The following CLK3 variants were observed in gnomAD, a reference collection of about 807,000 sequenced individuals.
The protein encoded by CLK3 is CDC like kinase 3.
CLK3 carries 24 observed loss-of-function variants against 65.2 expected under a neutral mutation model. The observed-to-expected ratio is 0.37, with a 90% CI of 0.27 to 0.52. The LOEUF (loss-of-function observed/expected upper bound fraction) is 0.52. Among genes scored for constraint, CLK3 ranks in the 20% least tolerant of loss-of-function variants. The pLI is 0.92. For synonymous variants in CLK3, 252 were observed against 240.8 expected (o/e 1.05, Z -0.43); for missense variants, 506 against 660.0 (o/e 0.77, Z 2.56).
At chr15:74,625,120 C>T in intron 6 of CLK3, 102 bp downstream of exon 6, 3 of 822,628 alleles carry the variant, frequency 3.6e-6, no homozygotes, top group Non-Finnish European at 6.1e-6. Context: ...GCCTTCTCCC[C>T]ACACTCAGAA....
chr15:74,609,751 C>A (rs1400109803), intron 1 of CLK3, among the ~76,000 whole-genome samples: 1 of 152,242 alleles, frequency 6.6e-6, no homozygotes, highest in Non-Finnish European at 1.5e-5. Context: ...GGCCTGGCAC[C>A]AGCATCTCCT....
rs963791486 is a variant in CLK3, at chr15:74,627,293, A to G, written c.818-59A>G. The G allele has an allele frequency of 2.2e-6, 3 of 1,357,914 alleles. No homozygotes were observed. The African/African-American group carries it at 4.3e-5, about 19-fold the overall frequency. 84.1% of individuals were successfully genotyped at this position (1,357,914 alleles called of 1,614,324 possible). ...GCATTGGAAGAGGGGTCTGGCCTAG[A>G]GCTGGCAGGAGAGCCAGCTTCTCAG... On this transcript the variant is annotated intron_variant, in intron 7 of 12. Transcript: ENST00000395066. The surrounding 1 kb of genome is among the most constrained non-coding windows in gnomAD (Gnocchi z 4.3).
At position 74,628,586 on chromosome 15, in the gene CLK3, G is replaced by C; in HGVS notation, c.1126-18G>C. The stretch of plus-strand genomic sequence containing the variant: ...GAGCTAGTACTGACCCCCTTGCACT[G>C]TCCCTAATCTTCCACAGACCCACGA... On this transcript the variant is annotated intron_variant, in intron 10 of 12. Transcript: ENST00000395066. The C allele has an allele frequency of 6.2e-7, 1 of 1,603,782 alleles. No individual in the cohort carries two copies. Among genetic ancestry groups the C allele is most frequent in the Non-Finnish European group, 8.5e-7 (1 of 1,172,080 alleles).
chr15:74,617,247 C>T (rs2062067849), intron 1 of CLK3, among the ~76,000 whole-genome samples: 2 of 152,190 alleles, frequency 1.3e-5, no homozygotes, highest in South Asian at 2.1e-4. Context: ...TGTGACAGCA[C>T]TAGGATTTAG....
chr15:74,619,594 C>T (rs1454179078), intron 2 of CLK3, among the ~76,000 whole-genome samples: 5 of 152,214 alleles, frequency 3.3e-5, no homozygotes, highest in African/African-American at 9.7e-5. Context: ...CCCCCATTTT[C>T]TAGGCCAGCA....
intron 12 of CLK3, chr15:74,629,387 G>A: frequency 3.8e-6 from 2 of 531,464 alleles, no homozygotes; most frequent in Non-Finnish European, 6.8e-6. Context: ...TGGCCAGGAA[G>A]CCTCTGTCAA....
In CLK3 at chr15:74,627,754, T is replaced by G; in HGVS notation, c.1042+86T>G. ...AGAGGCAGTGGCATGCCTGTCATTC[T>G]CTGCCACCCAGGGCAGGCAGAGTTT... On this transcript the variant is annotated intron_variant, in intron 9 of 12. Transcript: ENST00000395066. This position sits in a 1 kb window ranked among gnomAD's most constrained non-coding sequence, Gnocchi z 4.3. 3 of 1,571,298 alleles carry G rather than the reference T, an allele frequency of 1.9e-6. No individual in the cohort carries two copies. Among genetic ancestry groups the G allele is most frequent in the Admixed American group, 1.7e-5 (1 of 59,390 alleles).
Position 74,622,329 on chromosome 15 carries a change from C to A in CLK3, c.466+113C>A. On this transcript the variant is annotated intron_variant, in intron 4 of 12. Transcript: ENST00000395066. This position sits in a 1 kb window ranked among gnomAD's most constrained non-coding sequence, Gnocchi z 4.6. ...GCGCGTGGTGCCTTAGCGGGGCCAC[C>A]AGTAATTGCCTGAATGACACAGACA... The A allele has an allele frequency of 9.3e-7, 1 of 1,078,740 alleles. No individual in the cohort carries two copies. Among genetic ancestry groups the A allele is most frequent in the Non-Finnish European group, 1.4e-6 (1 of 725,224 alleles). The allele number at this position is 1,078,740 out of a possible 1,614,324, so 66.8% of individuals were successfully genotyped here.
intron 1 of CLK3, among the ~76,000 whole-genome samples, chr15:74,609,656 A>AG: frequency 6.6e-6 from 1 of 152,222 alleles, no homozygotes; most frequent in Non-Finnish European, 1.5e-5. Context: ...GAGCCTGGGC[A>AG]GGGGTCTCAG....
chr15:74,620,327 C>A, intron 3 of CLK3, 102 bp downstream of exon 3: 1 of 1,498,912 alleles, frequency 6.7e-7, no homozygotes, highest in Non-Finnish European at 9.1e-7. Flanking sequence ...CAGCCCTGTG[C>A]ACGTGCACTG....
At chr15:74,613,105 AGAG>A (rs1490188739), upstream of CLK3, 1 of 152,406 alleles carries the variant, frequency 6.6e-6, no homozygotes, top group African/African-American at 2.4e-5. Context: ...TGAGGCAGAC[AGAG>A]GAGACAGTAA....
rs528521237 is a variant in CLK3 at position 74,626,375 on chromosome 15, C to G, written c.817+407C>G. 5.9e-5 allele frequency among the ~76,000 whole-genome samples: 9 copies of G among 152,372 alleles called. No individual in the cohort carries two copies. The East Asian group carries it at 1.7e-3, about 29-fold the overall frequency. On this transcript the variant is annotated intron_variant, in intron 7 of 12. Transcript: ENST00000395066. Reference sequence around the variant, plus strand: ...CCTGACTTGTCATCTCCCTGCCAGCCTGGAAAAGCATTATTTGGCAGTGCC... The same window carrying G: ...CCTGACTTGTCATCTCCCTGCCAGCGTGGAAAAGCATTATTTGGCAGTGCC...
rs556870651 is a variant in CLK3, at chr15:74,628,347, C to CT, written c.1126-256dup. Among the ~76,000 whole-genome samples, 21 of 152,218 alleles carry CT rather than the reference C, an allele frequency of 1.4e-4. No individual in the cohort carries two copies. The East Asian group carries it at 4.1e-3, about 29-fold the overall frequency. On this transcript the variant is annotated intron_variant, in intron 10 of 12. Transcript: ENST00000395066. ...AGATGACTAAAGGCATCGGGATGGG[C>CT]TGGGACAGGGCATGTTCTGGGCAGG...
chr15:74,622,452 C>G lies in CLK3; in HGVS notation c.467-42C>G. The G allele has an allele frequency of 6.7e-7, 1 of 1,500,418 alleles. No individual in the cohort carries two copies. The highest frequency in any genetic ancestry group is 9.1e-7 in the Non-Finnish European group (1 of 1,093,674). The allele number at this position is 1,500,418 out of a possible 1,614,324, so 92.9% of individuals were successfully genotyped here. A position where few individuals can be genotyped will look rare whatever the true frequency, so the allele number is the denominator to read the frequency against. The stretch of plus-strand genomic sequence containing the variant: ...TGAACTTGCAGGAGCTGCCAACCCC[C>G]TGCCCTCCAGATTCTCATGCCCAAT... On this transcript the variant is annotated intron_variant, in intron 4 of 12. Transcript: ENST00000395066. This position sits in a 1 kb window ranked among gnomAD's most constrained non-coding sequence, Gnocchi z 4.6.
At chr15:74,620,512 G>C (rs1415606406) in intron 3 of CLK3, 2 of 532,214 alleles carry the variant, frequency 3.8e-6, no homozygotes, top group African/African-American at 3.8e-5. Context: ...CAAAGGCCAC[G>C]TGGTGCAAGT....
rs2062151904 is a variant in CLK3 at position 74,627,428 on chromosome 15, C to T, written c.894C>T (p.Thr298=). ...TGTTTGTGAATTCTGAGTTTGAAAC[C>T]CTCTACAATGAGCACAAGGTATTGG... ...NILFVNSEFE[T]LYNEHKSCEE... The change falls in exon 8 of 13, where the codon ACC becomes ACT. Residue 298 remains threonine (T), a synonymous_variant. Transcript: ENST00000395066. The surrounding 1 kb of genome is among the most constrained non-coding windows in gnomAD (Gnocchi z 4.3). The T allele has an allele frequency of 3.1e-6, 5 of 1,614,174 alleles. No individual in the cohort carries two copies. The highest frequency in any genetic ancestry group is 4.2e-6 in the Non-Finnish European group (5 of 1,180,008).
chr15:74,627,874 C>A lies in CLK3; in HGVS notation c.1043-96C>A. On this transcript the variant is annotated intron_variant, in intron 9 of 12. Transcript: ENST00000395066. This position sits in a 1 kb window ranked among gnomAD's most constrained non-coding sequence, Gnocchi z 4.3. ...AGAGGGCCTCGTACTGGGATTTGGGCAAGAGTCCTGCCAGCCGGTGTGGTG... is the reference window on the plus strand; with the variant it reads ...AGAGGGCCTCGTACTGGGATTTGGGAAAGAGTCCTGCCAGCCGGTGTGGTG... 1 of 1,231,202 alleles carries A rather than the reference C, an allele frequency of 8.1e-7. No individual in the cohort carries two copies. Among genetic ancestry groups the A allele is most frequent in the Non-Finnish European group, 1.2e-6 (1 of 840,194 alleles). The allele number at this position is 1,231,202 out of a possible 1,614,324, so 76.3% of individuals were successfully genotyped here. A position where few individuals can be genotyped will look rare whatever the true frequency, so the allele number is the denominator to read the frequency against.
chr15:74,624,942 G>A lies in CLK3; in HGVS notation c.574G>A (p.Gly192Ser). Residue 192 changes from glycine to serine, a missense_variant, in exon 6 of 13, where the codon GGC becomes AGC. By Grantham distance (56) the Gly-to-Ser change is moderately conservative. This residue lies in a region of CLK3 where 325 missense variants were observed against 500.5 expected (regional missense o/e 0.65). Coordinates refer to ENST00000395066, the MANE Select transcript of CLK3 (RefSeq NM_001130028.2). This position sits in a 1 kb window ranked among gnomAD's most constrained non-coding sequence, Gnocchi z 4.2. ...TGCCCTGAAGATCATCCGCAACGTG[G>A]GCAAGTACCGGGAGGCTGCCCGGCT... is the stretch of plus-strand genomic sequence containing the variant. ...QVALKIIRNV[G>S]KYREAARLEI... The A allele has an allele frequency of 1.2e-6, 2 of 1,611,600 alleles. No homozygotes were observed. Among genetic ancestry groups the A allele is most frequent in the Non-Finnish European group, 1.7e-6 (2 of 1,178,992 alleles).
chr15:74,628,701 C>A lies in CLK3; in HGVS notation c.1205+18C>A. 2 of 1,601,048 alleles carry A rather than the reference C, an allele frequency of 1.2e-6. No homozygotes were observed. Among genetic ancestry groups the A allele is most frequent in the Non-Finnish European group, 1.7e-6 (2 of 1,172,358 alleles). ...CGTACCAGGTAAGGACCCCAGTAGCCCCCTCAGGGTTGGTATAGAGGCCTT... is the reference window on the plus strand; with the variant it reads ...CGTACCAGGTAAGGACCCCAGTAGCACCCTCAGGGTTGGTATAGAGGCCTT... On this transcript the variant is annotated intron_variant, in intron 11 of 12. Coordinates refer to ENST00000395066, the MANE Select transcript of CLK3 (RefSeq NM_001130028.2).
Sources: gnomAD v4.1 joint callset for allele counts (sites outside exome capture counted in the v4.1 genomes callset) on GRCh38, gnomAD v4.1.1 for gene constraint, gnomAD v4.1.1 regional missense constraint, Gnocchi (gnomAD v3.1) non-coding constraint, MANE v1.5 for transcripts, NCBI Gene and HGNC (gene_info 2026-07-23, HGNC 2026-07-21) for gene names.